PDZD2: variants seen among roughly 807,000 people sequenced by gnomAD.
PDZD2 encodes the protein PDZ domain containing 2, also known as PDZ domain-containing protein 2.
A neutral mutation model predicts 220.7 loss-of-function variants in PDZD2; 90 were observed. That is an observed-to-expected ratio of 0.41 (90% CI 0.34 to 0.49). PDZD2 has a LOEUF of 0.49. Ranked by LOEUF, PDZD2 falls within the 20% of genes least tolerant of loss-of-function variation. The probability of loss-of-function intolerance (pLI) is 0.28; values close to 1 mark genes in which losing one functional copy is unlikely to be tolerated. For missense variants in PDZD2, 3,174 were observed against 3,608.5 expected (o/e 0.88, Z 3.08); for synonymous variants, 1,375 against 1,450.5 (o/e 0.95, Z 1.18).
chr5:31,651,896 G>A (rs1277603095), intron 1 of PDZD2, among the ~76,000 whole-genome samples: 1 of 20,254 alleles, frequency 4.9e-5, no homozygotes, highest in Non-Finnish European at 1.4e-4. Flanking sequence ...TGGCTCACTG[G>A]AACTTCCACC....
At chr5:31,773,796 T>C (rs1561448285) in intron 1 of PDZD2, among the ~76,000 whole-genome samples, 1 of 152,218 alleles carries the variant, frequency 6.6e-6, no homozygotes, top group Non-Finnish European at 1.5e-5. Flanking sequence ...TGTGTGACTT[T>C]AGACAAGTCA....
At chr5:32,034,486 G>A (rs967236283) in intron 6 of PDZD2, among the ~76,000 whole-genome samples, 1 of 151,614 alleles carries the variant, frequency 6.6e-6, no homozygotes, top group Non-Finnish European at 1.5e-5. Context: ...AGCCTTCAGA[G>A]TAGCTGGGAT....
At chr5:31,643,813 G>A (rs1242911462) in intron 1 of PDZD2, among the ~76,000 whole-genome samples, 1 of 151,562 alleles carries the variant, frequency 6.6e-6, no homozygotes, top group Non-Finnish European at 1.5e-5. Flanking sequence ...ATGAAATTGG[G>A]GAAAATGTGA....
chr5:32,064,539 G>A (rs867040378), intron 14 of PDZD2, among the ~76,000 whole-genome samples: 123 of 151,628 alleles, frequency 8.1e-4, no homozygotes, highest in Middle Eastern at 6.8e-3. Flanking sequence ...CACCACGCCC[G>A]GCCTCAATCC....
At chr5:31,983,112 A>G (rs996616773) in intron 2 of PDZD2, 43 bp from the exon 3 acceptor site, 2 of 1,579,314 alleles carry the variant, frequency 1.3e-6, no homozygotes, top group Admixed American at 3.5e-5. Flanking sequence ...CTGTCTAGGA[A>G]GGGTGTGTGG....
chr5:31,830,293 G>C (rs1394935775), intron 2 of PDZD2, among the ~76,000 whole-genome samples: 7 of 148,978 alleles, frequency 4.7e-5, no homozygotes, highest in Non-Finnish European at 1.0e-4. Context: ...AGCCTCCCGA[G>C]TAGCTGGGAC....
Position 32,058,017 on chromosome 5 carries a change from GTTC to G in PDZD2, c.2115_2117del (p.Ser706del). On this transcript the variant is annotated inframe_deletion, in exon 12 of 25. Coordinates refer to ENST00000438447, the MANE Select transcript of PDZD2 (RefSeq NM_178140.4). ...ACCAGTGGGGGAGCCTCAGCGGGAG[GTTC>G]CGATGAAGGCAGTTCTTCATCCCTG... 6.2e-7 allele frequency: 1 copy of G among 1,613,294 alleles called. No homozygotes were observed. Among genetic ancestry groups the G allele is most frequent in the Non-Finnish European group, 8.5e-7 (1 of 1,179,332 alleles).
At chr5:32,043,790 G>A (rs1374897687) in intron 7 of PDZD2, among the ~76,000 whole-genome samples, 1 of 152,008 alleles carries the variant, frequency 6.6e-6, no homozygotes, top group East Asian at 1.9e-4. Flanking sequence ...ACCACGCCTG[G>A]CTAATTTTGT....
chr5:31,656,125 C>G (rs1745543327), intron 1 of PDZD2, among the ~76,000 whole-genome samples: 1 of 152,170 alleles, frequency 6.6e-6, no homozygotes. Context: ...TCTCTACGTT[C>G]AAAGAGAGAG....
intron 1 of PDZD2, among the ~76,000 whole-genome samples, chr5:31,786,960 G>A (rs1302784798): frequency 6.6e-6 from 1 of 152,124 alleles, no homozygotes; most frequent in Non-Finnish European, 1.5e-5. Flanking sequence ...GAAAGGATTT[G>A]TAAAATATCT....
chr5:32,091,372 C>T (rs779128920), intron 20 of PDZD2, among the ~76,000 whole-genome samples, 197 bp downstream of exon 20: 4 of 149,450 alleles, frequency 2.7e-5, no homozygotes, highest in African/African-American at 7.5e-5. Context: ...GCAACCTCTG[C>T]CTCCCGGGTT....
chr5:31,885,135 C>T (rs1440474591), intron 2 of PDZD2, among the ~76,000 whole-genome samples: 1 of 147,586 alleles, frequency 6.8e-6, no homozygotes. Context: ...AATGGCAACT[C>T]CCAGAAGAAA....
intron 8 of PDZD2, among the ~76,000 whole-genome samples, chr5:32,048,956 G>A (rs975486997): frequency 1.3e-5 from 2 of 152,190 alleles, no homozygotes; most frequent in African/African-American, 4.8e-5. Flanking sequence ...GCCAGGAGAC[G>A]ATGGCGTCTC....
intron 19 of PDZD2, among the ~76,000 whole-genome samples, chr5:32,079,840 A>G (rs1581441964): frequency 6.6e-6 from 1 of 151,816 alleles, no homozygotes; most frequent in East Asian, 2.0e-4. Context: ...GTGAAACCCC[A>G]GAATATCTAT....
At chr5:31,734,391 C>T (rs1749719161) in intron 1 of PDZD2, among the ~76,000 whole-genome samples, 1 of 152,148 alleles carries the variant, frequency 6.6e-6, no homozygotes, top group Non-Finnish European at 1.5e-5. Flanking sequence ...GTGATCTCAG[C>T]TTACTGCAGC....
chr5:31,651,994 ATTTT>A (rs10676854), intron 1 of PDZD2, among the ~76,000 whole-genome samples: 2 of 130,326 alleles, frequency 1.5e-5, no homozygotes, highest in African/African-American at 2.9e-5. Context: ...TAATTTTTGT[ATTTT>A]TTTTTTTTTT....
intron 6 of PDZD2, among the ~76,000 whole-genome samples, chr5:32,033,584 T>C (rs1224655054): frequency 6.6e-6 from 1 of 151,776 alleles, no homozygotes; most frequent in Non-Finnish European, 1.5e-5. Context: ...TCTTACTGGC[T>C]CTAGCTACAG....
In PDZD2 at chr5:32,052,721, A is replaced by G; in HGVS notation, c.1776A>G (p.Glu592=). 1.2e-6 allele frequency: 2 copies of G among 1,614,092 alleles called. No homozygotes were observed. Among genetic ancestry groups the G allele is most frequent in the Non-Finnish European group, 1.7e-6 (2 of 1,179,916 alleles). ...SVISIIGLYK[E]KGKGLGFSIA... is the part of the protein sequence containing the mutation. ...TCTCGATCATTGGGTTGTACAAAGAAAAAGGCAAGGTGAGCTCTTTTCTGC... is the reference window on the plus strand; with the variant it reads ...TCTCGATCATTGGGTTGTACAAAGAGAAAGGCAAGGTGAGCTCTTTTCTGC... The change falls in exon 9 of 25, where the codon GAA becomes GAG. Residue 592 remains glutamate, a synonymous_variant. Transcript: ENST00000438447.
intron 2 of PDZD2, among the ~76,000 whole-genome samples, chr5:31,869,574 A>G (rs889094376): frequency 7.9e-5 from 12 of 152,160 alleles, no homozygotes; most frequent in Non-Finnish European, 1.6e-4. Flanking sequence ...AAAAGAAAAA[A>G]AAAACAAAAG....
Sources: gnomAD v4.1 joint callset for allele counts (sites outside exome capture counted in the v4.1 genomes callset) on GRCh38, gnomAD v4.1.1 for gene constraint, MANE v1.5 for transcripts, NCBI Gene and HGNC (gene_info 2026-07-23, HGNC 2026-07-21) for gene names.